The following LUZP2 variants were observed in gnomAD, a reference collection of about 807,000 sequenced individuals.
LUZP2 encodes leucine zipper protein 2.
Under a neutral mutation model 51.6 loss-of-function variants are expected in LUZP2, and 52 were observed. The observed-to-expected ratio is 1.01, with a 90% CI of 0.81 to 1.27. The LOEUF (loss-of-function observed/expected upper bound fraction) is 1.27. Among genes scored for constraint, LUZP2 ranks in the 50% most tolerant of loss-of-function variants. LUZP2 has a pLI of 0.00. For missense variants in LUZP2, 436 were observed against 395.4 expected (o/e 1.10, Z -0.87); for synonymous variants, 154 against 137.3 (o/e 1.12, Z -0.85).
intron 1 of LUZP2, among the ~76,000 whole-genome samples, chr11:24,585,340 C>T (rs565640095): frequency 6.6e-6 from 1 of 152,124 alleles, no homozygotes; most frequent in Non-Finnish European, 1.5e-5. Context: ...TGGACCTGTC[C>T]AGCTGCCATC....
At chr11:25,025,989 G>C (rs1233673775) in intron 9 of LUZP2, among the ~76,000 whole-genome samples, 1 of 152,138 alleles carries the variant, frequency 6.6e-6, no homozygotes, top group East Asian at 1.9e-4. Flanking sequence ...CATGTCCTTT[G>C]TAGGGACATG....
intron 10 of LUZP2, among the ~76,000 whole-genome samples, chr11:25,068,162 G>T (rs1379744625): frequency 1.3e-5 from 2 of 151,958 alleles, no homozygotes; most frequent in East Asian, 1.9e-4. Context: ...CTGGGGGCCT[G>T]TTGGGGGCTG....
chr11:24,586,215 A>T (rs1429213851), intron 1 of LUZP2, among the ~76,000 whole-genome samples: 2 of 152,138 alleles, frequency 1.3e-5, no homozygotes, highest in Non-Finnish European at 2.9e-5. Context: ...TAGTCTGTAG[A>T]AACAAAGAAT....
At chr11:24,656,668 T>C (rs1472397101) in intron 1 of LUZP2, among the ~76,000 whole-genome samples, 9 of 152,190 alleles carry the variant, frequency 5.9e-5, no homozygotes, top group African/African-American at 1.9e-4. Context: ...CCTTGTTTCC[T>C]TGATGGAAGT....
chr11:24,891,794 C>T (rs1852862910), intron 5 of LUZP2: 1 of 969,802 alleles, frequency 1.0e-6, no homozygotes, highest in Non-Finnish European at 1.2e-6. Flanking sequence ...AAAGAGAGAA[C>T]AGAGAAACAA....
At chr11:24,721,315 G>C (rs1240814792) in intron 1 of LUZP2, among the ~76,000 whole-genome samples, 2 of 150,462 alleles carry the variant, frequency 1.3e-5, no homozygotes, top group Admixed American at 6.7e-5. Context: ...AAACTAGAAA[G>C]GGAACATTTT....
intron 1 of LUZP2, among the ~76,000 whole-genome samples, chr11:24,631,482 GT>G: frequency 6.6e-6 from 1 of 151,440 alleles, no homozygotes; most frequent in East Asian, 1.9e-4. Flanking sequence ...AGATCAGATA[GT>G]TTTTATCCTT....
chr11:24,974,082 G>A (rs976789705), intron 7 of LUZP2, among the ~76,000 whole-genome samples: 14 of 151,904 alleles, frequency 9.2e-5, no homozygotes, highest in African/African-American at 3.4e-4. Flanking sequence ...CTCTTTGTAG[G>A]TCTCTAAGAA....
chr11:24,817,362 A>G (rs2256074), intron 5 of LUZP2, among the ~76,000 whole-genome samples: 73,174 of 151,748 alleles, frequency 0.48, 18,042 homozygotes, highest in African/African-American at 0.58. Flanking sequence ...TATACAAAAA[A>G]TATATCGTAT....
chr11:24,926,467 G>A (rs1364102965), intron 7 of LUZP2, among the ~76,000 whole-genome samples: 34 of 126,322 alleles, frequency 2.7e-4, no homozygotes, highest in African/African-American at 7.3e-4. Flanking sequence ...ATATATATAC[G>A]TGTATATATG....
chr11:24,500,234 G>C (rs1849954216), intron 1 of LUZP2, among the ~76,000 whole-genome samples: 1 of 152,176 alleles, frequency 6.6e-6, no homozygotes. Context: ...ACCCCATAGA[G>C]TTTTAAAAAA....
chr11:24,875,934 AC>A, intron 5 of LUZP2, among the ~76,000 whole-genome samples: 1 of 150,752 alleles, frequency 6.6e-6, no homozygotes, highest in South Asian at 2.1e-4. Context: ...TCCTTTGCCC[AC>A]TTTTTGATGG....
intron 9 of LUZP2, among the ~76,000 whole-genome samples, chr11:25,024,561 G>A (rs534867942): frequency 3.2e-4 from 48 of 152,006 alleles, no homozygotes; most frequent in Admixed American, 5.3e-4. Flanking sequence ...CTTCAAAGAG[G>A]ATAAAATACC....
chr11:24,509,689 T>G (rs1448165844), intron 1 of LUZP2, among the ~76,000 whole-genome samples: 1 of 151,282 alleles, frequency 6.6e-6, no homozygotes. Flanking sequence ...TATGCATATT[T>G]TAATAACTAT....
At chr11:25,067,709 G>A (rs1859037848) in intron 10 of LUZP2, among the ~76,000 whole-genome samples, 1 of 125,338 alleles carries the variant, frequency 8.0e-6, no homozygotes, top group African/African-American at 2.8e-5. Context: ...AATAGGAAAA[G>A]TTTTACACTG....
At chr11:24,754,361 C>A (rs1394510733) in intron 4 of LUZP2, among the ~76,000 whole-genome samples, 1 of 152,036 alleles carries the variant, frequency 6.6e-6, no homozygotes, top group Non-Finnish European at 1.5e-5. Flanking sequence ...GGGATGAGTT[C>A]TTTCACTCTC....
intron 1 of LUZP2, among the ~76,000 whole-genome samples, chr11:24,711,787 C>T (rs1288209971): frequency 6.6e-6 from 1 of 152,036 alleles, no homozygotes; most frequent in African/African-American, 2.4e-5. Context: ...CCTTCTCTGC[C>T]CTCTGTTAAA....
intron 9 of LUZP2, among the ~76,000 whole-genome samples, chr11:25,036,317 T>A (rs1187558281): frequency 6.6e-6 from 1 of 152,224 alleles, no homozygotes; most frequent in South Asian, 2.1e-4. Context: ...AGTTGTAATA[T>A]CTCCTTTGAC....
intron 1 of LUZP2, among the ~76,000 whole-genome samples, chr11:24,634,392 A>G (rs1855001453): frequency 6.6e-6 from 1 of 151,990 alleles, no homozygotes; most frequent in Non-Finnish European, 1.5e-5. Flanking sequence ...TATGGCTATC[A>G]CAGAATTGGT....
Sources: gnomAD v4.1 joint callset for allele counts (sites outside exome capture counted in the v4.1 genomes callset) on GRCh38, gnomAD v4.1.1 for gene constraint, MANE v1.5 for transcripts, NCBI Gene and HGNC (gene_info 2026-07-23, HGNC 2026-07-21) for gene names.